The following OTOGL variants were observed in gnomAD, a reference collection of about 807,000 sequenced individuals.
The protein encoded by OTOGL is otogelin-like protein.
In OTOGL, 285 loss-of-function variants were observed where a neutral mutation model predicts 318.5. The observed-to-expected ratio is 0.89, with a 90% CI of 0.81 to 0.99. The LOEUF (loss-of-function observed/expected upper bound fraction) is 0.99. Among genes scored for constraint, OTOGL ranks in the 50% least tolerant of loss-of-function variants. The probability of loss-of-function intolerance (pLI) is 0.00; values close to 1 mark genes in which losing one functional copy is unlikely to be tolerated. For missense variants in OTOGL, 2,899 were observed against 2,845.6 expected (o/e 1.02, Z -0.43); for synonymous variants, 987 against 936.5 (o/e 1.05, Z -0.99).
chr12:80,170,692 C>T (rs1393641434), intron 1 of OTOGL, among the ~76,000 whole-genome samples: 1 of 152,104 alleles, frequency 6.6e-6, no homozygotes, highest in African/African-American at 2.4e-5. Context: ...CCTCGGCCTC[C>T]CAAAGCGCAG....
At chr12:80,127,330 G>C in intron 1 of OTOGL, among the ~76,000 whole-genome samples, 1 of 151,930 alleles carries the variant, frequency 6.6e-6, no homozygotes, top group African/African-American at 2.4e-5. Flanking sequence ...TGAAATTCTG[G>C]GTTGCAAATT....
intron 35 of OTOGL, among the ~76,000 whole-genome samples, chr12:80,327,882 C>T (rs913404188): frequency 1.7e-4 from 23 of 137,770 alleles, no homozygotes; most frequent in Admixed American, 4.1e-4. Context: ...TGGCATGAAT[C>T]CGGGAGGCGG....
At chr12:80,305,795 C>T in intron 29 of OTOGL, 100 bp downstream of exon 29, 1 of 979,204 alleles carries the variant, frequency 1.0e-6, no homozygotes, top group Non-Finnish European at 1.4e-6. Context: ...ATTTTACATA[C>T]TATTTTCATA....
intron 24 of OTOGL, 65 bp downstream of exon 24, chr12:80,271,875 A>G (rs1298604902): frequency 3.3e-6 from 5 of 1,505,012 alleles, no homozygotes; most frequent in African/African-American, 1.4e-5. Flanking sequence ...TCTCCTGAAA[A>G]CATTCTTTAT....
chr12:80,195,869 C>G (rs1876026174), intron 1 of OTOGL, among the ~76,000 whole-genome samples: 1 of 152,162 alleles, frequency 6.6e-6, no homozygotes, highest in Admixed American at 6.5e-5. Context: ...AGGGTCCTCC[C>G]CTTTCCCCAG....
chr12:80,148,095 G>T (rs1200496829), intron 1 of OTOGL, among the ~76,000 whole-genome samples: 43 of 151,586 alleles, frequency 2.8e-4, no homozygotes, highest in Middle Eastern at 3.4e-3. Context: ...ATCCTGTCAT[G>T]ATGATGTTAG....
chr12:80,138,148 T>C (rs1199822627), intron 1 of OTOGL, among the ~76,000 whole-genome samples: 3 of 152,172 alleles, frequency 2.0e-5, no homozygotes, highest in African/African-American at 7.2e-5. Context: ...TGAATCAGAA[T>C]GAACGAGTTC....
Position 80,352,424 on chromosome 12 carries a change from C to T in OTOGL, c.5395C>T (p.Pro1799Ser). 6.3e-7 allele frequency: 1 copy of T among 1,596,304 alleles called. No individual in the cohort carries two copies. The highest frequency in any genetic ancestry group is 1.1e-5 in the South Asian group (1 of 87,962). ...TGATATCTGTATTCAGTGGAGAACA[C>T]CTGATTACTGCTGTGAGTAACTGTT... ...KFDICIQWRT[P>S]DYCSLSCPEG... Residue 1799 changes from proline to serine, a missense_variant, in exon 45 of 59, where the codon CCT (proline) becomes TCT (serine). Physicochemically the swap from Pro to Ser is moderately conservative, Grantham distance 74 (BLOSUM62 -1). Around this residue, in one of 3 missense-constraint regions of OTOGL, gnomAD observed 2,607 missense variants for 2,524.9 expected, o/e 1.03. Transcript: ENST00000547103.
chr12:80,226,585 T>G (rs1220674928), intron 7 of OTOGL, among the ~76,000 whole-genome samples: 2 of 152,162 alleles, frequency 1.3e-5, no homozygotes, highest in Admixed American at 1.3e-4. Flanking sequence ...ACTGTACACC[T>G]ATCACTTGGG....
intron 40 of OTOGL, 95 bp from the exon 41 acceptor site, chr12:80,336,702 C>T: frequency 7.1e-7 from 1 of 1,401,438 alleles, no homozygotes; most frequent in Non-Finnish European, 9.7e-7. Flanking sequence ...TTTCTGAAAA[C>T]CTTTCTTATC....
intron 4 of OTOGL, among the ~76,000 whole-genome samples, chr12:80,216,077 G>A (rs1877688674): frequency 2.0e-5 from 3 of 152,142 alleles, no homozygotes; most frequent in Non-Finnish European, 4.4e-5. Flanking sequence ...CTACTCAGGA[G>A]GCCGAGGCAG....
chr12:80,329,196 T>G, intron 37 of OTOGL, 77 bp downstream of exon 37: 1 of 1,133,752 alleles, frequency 8.8e-7, no homozygotes, highest in Non-Finnish European at 1.2e-6. Flanking sequence ...ATTTAGGTGT[T>G]ACTATAGCTG....
chr12:80,111,966 C>G (rs1297507565), intron 1 of OTOGL, among the ~76,000 whole-genome samples: 1 of 152,076 alleles, frequency 6.6e-6, no homozygotes, highest in Non-Finnish European at 1.5e-5. Flanking sequence ...CCTTCACATC[C>G]CTTGTAAGTT....
At chr12:80,292,132 G>A (rs989163879) in intron 26 of OTOGL, among the ~76,000 whole-genome samples, 2 of 152,050 alleles carry the variant, frequency 1.3e-5, no homozygotes. Flanking sequence ...GGGATTACAG[G>A]CATGCGCCAC....
chr12:80,256,572 A>T (rs953668116), intron 17 of OTOGL, 112 bp downstream of exon 17: 16 of 1,392,690 alleles, frequency 1.1e-5, no homozygotes, highest in Non-Finnish European at 1.5e-5. Flanking sequence ...CTGACTACCT[A>T]GCATTTATAG....
chr12:80,202,473 A>C (rs1046961189), intron 1 of OTOGL, among the ~76,000 whole-genome samples: 2 of 152,034 alleles, frequency 1.3e-5, no homozygotes, highest in African/African-American at 4.8e-5. Context: ...GGGTTTCACC[A>C]TGTTGGCCAG....
At chr12:80,239,123 C>T (rs2137433327) in intron 10 of OTOGL, 145 bp downstream of exon 10, 2 of 1,125,036 alleles carry the variant, frequency 1.8e-6, no homozygotes, top group Non-Finnish European at 1.2e-6. Flanking sequence ...AGGAAATCAC[C>T]TTAATTTTAG....
At chr12:80,369,772 C>A (rs1386043250) in intron 55 of OTOGL, among the ~76,000 whole-genome samples, 1 of 151,880 alleles carries the variant, frequency 6.6e-6, no homozygotes, top group Non-Finnish European at 1.5e-5. Flanking sequence ...GAACAACATG[C>A]CCCCACCATG....
chr12:80,178,061 C>CTTTTTTTTTTTT (rs71094968), intron 1 of OTOGL, among the ~76,000 whole-genome samples: 134 of 74,912 alleles, frequency 1.8e-3, no homozygotes, highest in African/African-American at 2.5e-3. Flanking sequence ...TTCTTTCTTT[C>CTTTTTTTTTTTT]TTTTTTTTTT....
Sources: gnomAD v4.1 joint callset for allele counts (sites outside exome capture counted in the v4.1 genomes callset) on GRCh38, gnomAD v4.1.1 for gene constraint, gnomAD v4.1.1 regional missense constraint, MANE v1.5 for transcripts, NCBI Gene and HGNC (gene_info 2026-07-23, HGNC 2026-07-21) for gene names.